MNAT1: variants seen among roughly 807,000 people sequenced by gnomAD.
The protein encoded by MNAT1 is MNAT1 component of CDK activating kinase.
Under a neutral mutation model 42.0 loss-of-function variants are expected in MNAT1, and 43 were observed. That is an observed-to-expected ratio of 1.02 (90% confidence interval 0.80 to 1.32). The LOEUF (loss-of-function observed/expected upper bound fraction) is 1.32, where lower values mean the gene tolerates loss of function less well. Ranked by LOEUF, MNAT1 falls within the 40% of genes most tolerant of loss-of-function variation. The pLI is 0.00. For missense variants in MNAT1, 306 were observed against 350.4 expected, an observed-to-expected ratio of 0.87 and a Z score of 1.01; for synonymous variants, 118 against 120.0, an observed-to-expected ratio of 0.98 and a Z score of 0.11.
intron 6 of MNAT1, among the ~76,000 whole-genome samples, chr14:60,876,936 G>A (rs185763198): frequency 2.0e-5 from 3 of 151,936 alleles, no homozygotes; most frequent in Admixed American, 2.0e-4. Flanking sequence ...TTTCACTTTC[G>A]GGTATATACC....
At chr14:60,938,189 T>C (rs1325869877) in intron 7 of MNAT1, among the ~76,000 whole-genome samples, 1 of 152,220 alleles carries the variant, frequency 6.6e-6, no homozygotes, top group African/African-American at 2.4e-5. Context: ...CAATTTGGCT[T>C]CCTCTTTTCC....
At chr14:60,965,083 T>G (rs1054472046) in intron 7 of MNAT1, among the ~76,000 whole-genome samples, 1 of 152,110 alleles carries the variant, frequency 6.6e-6, no homozygotes, top group African/African-American at 2.4e-5. Flanking sequence ...AACAGCAAAG[T>G]AAATAAGCAG....
intron 3 of MNAT1, among the ~76,000 whole-genome samples, chr14:60,804,953 T>C (rs925021420): frequency 6.6e-6 from 1 of 152,222 alleles, no homozygotes; most frequent in Non-Finnish European, 1.5e-5. Context: ...TAAACTGTTT[T>C]GAACATACTA....
chr14:60,795,089 A>G (rs1021447825), intron 1 of MNAT1, among the ~76,000 whole-genome samples: 4 of 152,228 alleles, frequency 2.6e-5, no homozygotes, highest in African/African-American at 9.6e-5. Context: ...TGGTCCTAAC[A>G]CATATGGAAT....
chr14:60,741,526 A>AT (rs1191590536), intron 1 of MNAT1, among the ~76,000 whole-genome samples: 2 of 151,422 alleles, frequency 1.3e-5, no homozygotes, highest in Non-Finnish European at 2.9e-5. Flanking sequence ...CGTCTGGCTA[A>AT]TTTTTTGTAT....
intron 6 of MNAT1, among the ~76,000 whole-genome samples, chr14:60,873,761 G>A (rs1162357276): frequency 1.3e-5 from 2 of 151,392 alleles, no homozygotes; most frequent in African/African-American, 4.9e-5. Context: ...ATAAGCCACT[G>A]TGCCTGGCTC....
intron 6 of MNAT1, among the ~76,000 whole-genome samples, chr14:60,878,293 T>C (rs2034475806): frequency 6.6e-6 from 1 of 152,130 alleles, no homozygotes; most frequent in African/African-American, 2.4e-5. Context: ...CATCCCTAAA[T>C]AACTGAGGGT....
chr14:60,944,836 A>T (rs1291322139), intron 7 of MNAT1, among the ~76,000 whole-genome samples: 1 of 152,158 alleles, frequency 6.6e-6, no homozygotes, highest in Non-Finnish European at 1.5e-5. Context: ...TTTTTATTCC[A>T]TTTTATTGTC....
rs192424650 is a variant in MNAT1 at position 60,841,249 on chromosome 14, G to A, written c.687+22402G>A. On this transcript the variant is annotated intron_variant, in intron 6 of 7. Transcript: ENST00000261245. ...CTCTCTCACTCTCTGTCTCTCCTTTGTCTATTATTTTTCTAGTCTATATTT... is the reference window on the plus strand; with the variant it reads ...CTCTCTCACTCTCTGTCTCTCCTTTATCTATTATTTTTCTAGTCTATATTT... Among the ~76,000 whole-genome samples the A allele has an allele frequency of 4.2e-3, 630 of 149,430 alleles. 1 individual carries two copies. Among genetic ancestry groups the A allele is most frequent in the Non-Finnish European group, 6.9e-3 (463 of 67,560 alleles).
intron 7 of MNAT1, among the ~76,000 whole-genome samples, chr14:60,941,761 T>A (rs917134136): frequency 2.0e-5 from 3 of 150,528 alleles, no homozygotes; most frequent in African/African-American, 7.3e-5. Flanking sequence ...TCCCAGCACT[T>A]TGGGAGGCTG....
rs1207895395 is a variant in MNAT1, at chr14:60,783,196, A to AT, written c.90-13021_90-13020insT. Among the ~76,000 whole-genome samples, 14 of 152,272 alleles carry AT rather than the reference A, an allele frequency of 9.2e-5. No homozygotes were observed. In the South Asian group the frequency reaches 2.9e-3, roughly 32 times the overall value. On this transcript the variant is annotated intron_variant, in intron 1 of 7. Coordinates refer to ENST00000261245, the MANE Select transcript of MNAT1 (RefSeq NM_002431.4). ...TACTCCAGAACCACAGATAAATAACACTATGAGATCTCCTGGTTCTGAAGC... is the reference window on the plus strand; with the variant it reads ...TACTCCAGAACCACAGATAAATAACATCTATGAGATCTCCTGGTTCTGAAGC...
At chr14:60,883,563 G>C (rs2034596600) in intron 7 of MNAT1, among the ~76,000 whole-genome samples, 1 of 151,808 alleles carries the variant, frequency 6.6e-6, no homozygotes. Flanking sequence ...TGGCTATTCT[G>C]GGTCTTTTGT....
chr14:60,868,335 T>C (rs538841294), intron 6 of MNAT1, among the ~76,000 whole-genome samples: 3 of 152,320 alleles, frequency 2.0e-5, no homozygotes, highest in South Asian at 2.1e-4. Flanking sequence ...ATTACTTCAA[T>C]TGATTTTCTA....
intron 7 of MNAT1, among the ~76,000 whole-genome samples, chr14:60,960,596 C>T (rs991749385): frequency 2.6e-5 from 4 of 152,098 alleles, no homozygotes; most frequent in African/African-American, 9.7e-5. Context: ...TGGGATCTTT[C>T]CCTTCTTTCC....
chr14:60,852,860 G>A (rs1050403143), intron 6 of MNAT1, among the ~76,000 whole-genome samples: 1 of 152,136 alleles, frequency 6.6e-6, no homozygotes, highest in Non-Finnish European at 1.5e-5. Flanking sequence ...GGTTGTAGAT[G>A]TGTGGTGCTA....
intron 3 of MNAT1, among the ~76,000 whole-genome samples, chr14:60,807,501 G>T (rs1442853709): frequency 2.0e-5 from 3 of 152,136 alleles, no homozygotes; most frequent in Admixed American, 6.5e-5. Context: ...GGCTTGAATT[G>T]AATTATGGAA....
intron 6 of MNAT1, among the ~76,000 whole-genome samples, chr14:60,835,790 G>T (rs1391061326): frequency 6.6e-6 from 1 of 152,160 alleles, no homozygotes; most frequent in Admixed American, 6.5e-5. Flanking sequence ...GCCTTGCTAG[G>T]TTGGGGAAGT....
chr14:60,856,204 C>T (rs1189612730), intron 6 of MNAT1, among the ~76,000 whole-genome samples: 4 of 152,152 alleles, frequency 2.6e-5, no homozygotes, highest in Non-Finnish European at 4.4e-5. Context: ...CCAAAAGAAA[C>T]GTTCTTGAAG....
intron 6 of MNAT1, among the ~76,000 whole-genome samples, chr14:60,864,447 C>A (rs1292594454): frequency 1.3e-5 from 2 of 151,870 alleles, no homozygotes; most frequent in African/African-American, 4.8e-5. Flanking sequence ...TGGATTTTAG[C>A]AGGATAGGGT....
Sources: gnomAD v4.1 joint callset for allele counts (sites outside exome capture counted in the v4.1 genomes callset) on GRCh38, gnomAD v4.1.1 for gene constraint, MANE v1.5 for transcripts, NCBI Gene and HGNC (gene_info 2026-07-23, HGNC 2026-07-21) for gene names.